Variants in SMARCC1 observed in about 807,000 individuals in gnomAD.
SMARCC1 encodes SWI/SNF complex subunit SMARCC1.
Under a neutral mutation model 147.4 loss-of-function variants are expected in SMARCC1, and 43 were observed. That is an observed-to-expected ratio of 0.29 (90% CI 0.23 to 0.38). The LOEUF (loss-of-function observed/expected upper bound fraction) is 0.38. Among genes scored for constraint, SMARCC1 ranks in the 10% least tolerant of loss-of-function variants. The pLI, the probability that SMARCC1 is intolerant of heterozygous loss-of-function variation, is 1.00. For synonymous variants in SMARCC1, 495 were observed against 484.4 expected (o/e 1.02, Z -0.29); for missense variants, 1,119 against 1,381.1 (o/e 0.81, Z 3.01).
intron 24 of SMARCC1, among the ~76,000 whole-genome samples, chr3:47,633,775 TATATACACACACACACACACACAC>T (rs370449724): frequency 0.29 from 5,413 of 18,574 alleles, 1,441 homozygotes; most frequent in Non-Finnish European, 0.57. Context: ...TATATATATA[TATATACACACACACACACACACAC>T]ACACACACAC....
At chr3:47,675,633 T>G (rs1434651571) in intron 17 of SMARCC1, 45 bp from the exon 18 acceptor site, 1 of 1,045,946 alleles carries the variant, frequency 9.6e-7, no homozygotes, top group African/African-American at 1.6e-5. Context: ...CTCTTTAAAG[T>G]CAAGAGGGTA....
intron 6 of SMARCC1, among the ~76,000 whole-genome samples, chr3:47,721,206 C>T (rs2106810513): frequency 6.6e-6 from 1 of 152,236 alleles, no homozygotes; most frequent in East Asian, 1.9e-4. Context: ...CCTCTAGATT[C>T]CCTTTTTCTG....
chr3:47,672,864 T>C (rs1235555232), intron 18 of SMARCC1, among the ~76,000 whole-genome samples: 1 of 152,050 alleles, frequency 6.6e-6, no homozygotes, highest in Non-Finnish European at 1.5e-5. Context: ...CTGCAACCTC[T>C]TCCTCCTGGG....
At chr3:47,756,131 G>A (rs570766837) in intron 2 of SMARCC1, among the ~76,000 whole-genome samples, 11 of 151,054 alleles carry the variant, frequency 7.3e-5, no homozygotes, top group African/African-American at 2.4e-4. Context: ...CCAAGATCGC[G>A]CCATTGCACT....
chr3:47,611,891 G>A (rs2032570680), intron 25 of SMARCC1, among the ~76,000 whole-genome samples: 3 of 152,128 alleles, frequency 2.0e-5, no homozygotes, highest in South Asian at 4.1e-4. Context: ...GAGAGTAAAC[G>A]GTATAGCTTA....
intron 21 of SMARCC1, among the ~76,000 whole-genome samples, chr3:47,660,777 T>G (rs751504041): frequency 6.6e-6 from 1 of 152,198 alleles, no homozygotes; most frequent in Non-Finnish European, 1.5e-5. Flanking sequence ...CCTATTGGGA[T>G]GAGGAAAATG....
Position 47,590,823 on chromosome 3 carries a change from G to A in SMARCC1, c.3058C>T (p.Pro1020Ser). ...HPPQPGQIPG[P>S]GSMMPGQHMP... ...TGCTGCCCGGGCATCATGGAACCTG[G>A]GCCTGGTATCTGACCTGTGGAGGGA... The change falls in exon 27 of 28, where the codon CCA (proline) becomes TCA (serine). Residue 1020 changes from proline (P) to serine (S), a missense_variant. Transcript: ENST00000254480. The A allele has an allele frequency of 6.2e-7, 1 of 1,600,052 alleles. No individual in the cohort carries two copies. Among genetic ancestry groups the A allele is most frequent in the African/African-American group, 1.3e-5 (1 of 74,160 alleles).
rs927001214 is a variant in SMARCC1, at chr3:47,658,279, G to A, written c.2320+3015C>T. ...ATACTATAGAATTCACCCATTTATT[G>A]AGATGTAATTCACATAATATAAAAT... is the stretch of plus-strand genomic sequence containing the variant. On this transcript the variant is annotated intron_variant, in intron 21 of 27. Coordinates refer to ENST00000254480, the MANE Select transcript of SMARCC1 (RefSeq NM_003074.4). 4.6e-5 allele frequency among the ~76,000 whole-genome samples: 7 copies of A among 152,304 alleles called. No individual in the cohort carries two copies. In the South Asian group the frequency reaches 1.0e-3, roughly 23 times the overall value.
chr3:47,661,610 A>G (rs1012391025), intron 20 of SMARCC1, among the ~76,000 whole-genome samples, 155 bp from the exon 21 acceptor site: 7 of 152,176 alleles, frequency 4.6e-5, no homozygotes, highest in Admixed American at 4.6e-4. Context: ...AAATGAGAGG[A>G]CTAAATGAGA....
chr3:47,702,356 T>C (rs969914621), intron 10 of SMARCC1, among the ~76,000 whole-genome samples: 1 of 152,004 alleles, frequency 6.6e-6, no homozygotes, highest in South Asian at 2.1e-4. Flanking sequence ...GTATTATATT[T>C]CAGTGCAGAG....
chr3:47,733,631 A>C (rs2034402993), intron 5 of SMARCC1, among the ~76,000 whole-genome samples: 1 of 151,988 alleles, frequency 6.6e-6, no homozygotes, highest in Admixed American at 6.6e-5. Context: ...TCATGCCCGT[A>C]ATCCCAGCAC....
chr3:47,678,533 A>C (rs776843111), intron 15 of SMARCC1, among the ~76,000 whole-genome samples: 1 of 152,254 alleles, frequency 6.6e-6, no homozygotes, highest in Non-Finnish European at 1.5e-5. Context: ...CAAGTAATCT[A>C]ATGACATTAA....
intron 1 of SMARCC1, among the ~76,000 whole-genome samples, chr3:47,773,450 T>G (rs534441409): frequency 3.3e-4 from 49 of 150,752 alleles, no homozygotes; most frequent in Admixed American, 1.7e-3. Context: ...ATTATCCATA[T>G]TAATGTAAAG....
intron 25 of SMARCC1, among the ~76,000 whole-genome samples, chr3:47,613,370 T>C (rs1017156050): frequency 6.6e-6 from 1 of 151,902 alleles, no homozygotes; most frequent in Non-Finnish European, 1.5e-5. Flanking sequence ...AAACTGGAAG[T>C]AGGAGAACTT....
intron 26 of SMARCC1, among the ~76,000 whole-genome samples, chr3:47,607,153 G>C (rs186343734): frequency 6.6e-6 from 1 of 152,278 alleles, no homozygotes; most frequent in East Asian, 1.9e-4. Context: ...CACTCAAGTA[G>C]ACAGAAATAA....
At chr3:47,639,074 T>C (rs1268068068) in intron 21 of SMARCC1, among the ~76,000 whole-genome samples, 1 of 152,192 alleles carries the variant, frequency 6.6e-6, no homozygotes, top group African/African-American at 2.4e-5. Context: ...CCTAGGGTGC[T>C]GGTAACGCTC....
intron 26 of SMARCC1, among the ~76,000 whole-genome samples, chr3:47,604,975 A>T (rs2106660990): frequency 6.6e-6 from 1 of 152,346 alleles, no homozygotes; most frequent in South Asian, 2.1e-4. Flanking sequence ...TGTTGGGATT[A>T]CAGGCGTAAG....
chr3:47,603,864 G>T (rs1413715534), intron 26 of SMARCC1: 1 of 356,744 alleles, frequency 2.8e-6, no homozygotes, highest in African/African-American at 2.1e-5. Context: ...CTTTTTGTTT[G>T]GTAGGAAGAA....
At chr3:47,640,066 A>G (rs190048074) in intron 21 of SMARCC1, among the ~76,000 whole-genome samples, 89 of 152,322 alleles carry the variant, frequency 5.8e-4, no homozygotes, top group African/African-American at 2.1e-3. Flanking sequence ...TGTTTAAAAT[A>G]TAAAAATAAA....
Sources: allele counts gnomAD v4.1 joint callset (sites outside exome capture counted in the v4.1 genomes callset), GRCh38; gene constraint gnomAD v4.1.1; transcripts MANE v1.5; gene names NCBI Gene and HGNC (gene_info 2026-07-23, HGNC 2026-07-21).